Variants in BHMT2 observed in about 807,000 individuals in gnomAD.
BHMT2 encodes the protein betaine--homocysteine S-methyltransferase 2.
BHMT2 carries 28 observed loss-of-function variants against 39.0 expected under a neutral mutation model. That is an observed-to-expected ratio of 0.72 (90% CI 0.53 to 0.98). BHMT2 has a LOEUF of 0.98. Ranked by LOEUF, BHMT2 falls within the 50% of genes least tolerant of loss-of-function variation. The probability of loss-of-function intolerance (pLI) is 0.00; values close to 1 mark genes in which losing one functional copy is unlikely to be tolerated. For synonymous variants in BHMT2, 145 were observed against 160.6 expected (o/e 0.90, Z 0.74); for missense variants, 410 against 455.6 (o/e 0.90, Z 0.91).
At chr5:79,086,998 ATGTG>A (rs376885057) in intron 7 of BHMT2, among the ~76,000 whole-genome samples, 2,091 of 125,108 alleles carry the variant, frequency 0.017, 49 homozygotes, top group African/African-American at 0.025. Context: ...TTGTGTATGT[ATGTG>A]TGTGTGTGTG....
chr5:79,079,461 GTAA>G lies in BHMT2; in HGVS notation c.258+2_258+4del. The G allele has an allele frequency of 6.2e-7, 1 of 1,609,300 alleles. No homozygotes were observed. On this transcript the variant is annotated splice_donor_variant and splice_donor_region_variant and intron_variant, in intron 3 of 7. Transcript: ENST00000255192. LOFTEE classifies it high-confidence loss of function. ...CAGTGAGGACAATATGGAAAGCAAGGTAAACGGCAATGGCTGGGTGTGGGGGAG... is the reference window on the plus strand; with the variant it reads ...CAGTGAGGACAATATGGAAAGCAAGGACGGCAATGGCTGGGTGTGGGGGAG...
intron 1 of BHMT2, among the ~76,000 whole-genome samples, chr5:79,072,752 G>A (rs752207618): frequency 3.9e-5 from 6 of 152,166 alleles, no homozygotes; most frequent in African/African-American, 1.4e-4. Context: ...CTGTGCTCTG[G>A]TAGCAATGGA....
intron 1 of BHMT2, among the ~76,000 whole-genome samples, 189 bp from the exon 2 acceptor site, chr5:79,077,291 C>A (rs1279303215): frequency 1.3e-5 from 2 of 152,136 alleles, no homozygotes; most frequent in African/African-American, 2.4e-5. Context: ...TTTCATTGTA[C>A]AAAATAGGAA....
rs1755956332 is a variant in BHMT2 at position 79,088,669 on chromosome 5, C to G, written c.*95C>G. The G allele has an allele frequency of 1.1e-6, 1 of 925,598 alleles. No homozygotes were observed. Among genetic ancestry groups the G allele is most frequent in the African/African-American group, 1.7e-5 (1 of 60,510 alleles). The allele number at this position is 925,598 out of a possible 1,614,324, so 57.3% of individuals were successfully genotyped here. A position where few individuals can be genotyped will look rare whatever the true frequency, so the allele number is the denominator to read the frequency against. On this transcript the variant is annotated 3_prime_UTR_variant, in exon 8 of 8. Coordinates refer to ENST00000255192, the MANE Select transcript of BHMT2 (RefSeq NM_017614.5). ...TTCCTCACCTTCATCCTCACCATGCCCTGCTATCTCCAGCTGCTGAGCAGC... is the reference window on the plus strand; with the variant it reads ...TTCCTCACCTTCATCCTCACCATGCGCTGCTATCTCCAGCTGCTGAGCAGC...
In BHMT2 at chr5:79,087,014, G is replaced by GTATATATATATATATATA. The variant is rs369119738; in HGVS notation, c.1011-1468_1011-1451dup. Among the ~76,000 whole-genome samples, 216 of 118,268 alleles carry GTATATATATATATATATA rather than the reference G, an allele frequency of 1.8e-3. 2 individuals carry two copies. Among genetic ancestry groups the GTATATATATATATATATA allele is most frequent in the African/African-American group, 2.3e-3 (72 of 31,452 alleles). 77.6% of individuals were successfully genotyped at this position (118,268 alleles called of 152,430 possible). On this transcript the variant is annotated intron_variant, in intron 7 of 7. Transcript: ENST00000255192. ...TGTGTATGTATGTGTGTGTGTGTGT[G>GTATATATATATATATATA]TATATATATATATATATATATATAT...
Position 79,083,315 on chromosome 5 carries a change from G to T in BHMT2, c.722G>T (p.Gly241Val). The change falls in exon 6 of 8, where the codon GGG becomes GTG. Residue 241 changes from glycine to valine, a missense_variant. Coordinates refer to ENST00000255192, the MANE Select transcript of BHMT2 (RefSeq NM_017614.5). ...LKAHLMVQPL[G>V]FHAPDCGKEG... ...GCGCACCTCATGGTGCAGCCTCTGG[G>T]GTTCCACGCGCCTGACTGTGGCAAA... The T allele has an allele frequency of 1.2e-6, 2 of 1,612,474 alleles. No homozygotes were observed. Among genetic ancestry groups the T allele is most frequent in the Non-Finnish European group, 1.7e-6 (2 of 1,178,924 alleles).
chr5:79,085,991 T>C (rs1755885648), intron 7 of BHMT2, among the ~76,000 whole-genome samples: 1 of 152,208 alleles, frequency 6.6e-6, no homozygotes, highest in Non-Finnish European at 1.5e-5. Context: ...GCCGGCATCC[T>C]CTGACCCTGG....
chr5:79,084,735 T>A (rs369665136), intron 7 of BHMT2, among the ~76,000 whole-genome samples: 22 of 152,364 alleles, frequency 1.4e-4, no homozygotes, highest in African/African-American at 4.6e-4. Context: ...TGAAATCTTG[T>A]ACCTCTATTT....
chr5:79,088,526 A>C lies in BHMT2; in HGVS notation c.1044A>C (p.Pro348=), dbSNP rs1177010520. 1 of 1,614,170 alleles carries C rather than the reference A, an allele frequency of 6.2e-7. No homozygotes were observed. The highest frequency in any genetic ancestry group is 1.7e-5 in the Admixed American group (1 of 60,022). Residue 348 remains proline (P), a synonymous_variant, in exon 8 of 8, where the codon CCA becomes CCC. Transcript: ENST00000255192. ...GGGAGTATTGGGAGAATCTGCTGCCAGCTTCAGGCAGACCTTTCTGTCCTT... is the reference window on the plus strand; with the variant it reads ...GGGAGTATTGGGAGAATCTGCTGCCCGCTTCAGGCAGACCTTTCTGTCCTT... ...ARREYWENLL[P]ASGRPFCPSL...
intron 4 of BHMT2, among the ~76,000 whole-genome samples, chr5:79,081,117 G>A (rs561341478): frequency 1.3e-5 from 2 of 152,284 alleles, no homozygotes; most frequent in South Asian, 4.1e-4. Flanking sequence ...ATCTTCTAAG[G>A]TCTGGGTGGC....
At chr5:79,088,394 GT>G in intron 7 of BHMT2, 98 bp from the exon 8 acceptor site, 1 of 688,938 alleles carries the variant, frequency 1.5e-6, no homozygotes, top group Non-Finnish European at 2.5e-6. Flanking sequence ...GTGTGTGTGT[GT>G]GTGGTTATAT....
intron 7 of BHMT2, among the ~76,000 whole-genome samples, chr5:79,086,231 G>C (rs1233031268): frequency 6.6e-6 from 1 of 152,144 alleles, no homozygotes; most frequent in African/African-American, 2.4e-5. Context: ...CTCTCATTAG[G>C]CTCAAAACAG....
Position 79,071,954 on chromosome 5 carries a change from T to C in BHMT2, c.33+2139T>C, listed in dbSNP as rs185338220. Among the ~76,000 whole-genome samples, 377 of 152,238 alleles carry C rather than the reference T, an allele frequency of 2.5e-3. 2 individuals are homozygous for C. The highest frequency in any genetic ancestry group is 8.2e-3 in the African/African-American group (342 of 41,536). ...TCAAATCTTGATAACTTAGTTATTT[T>C]GCTAATGGCTATGTAGAAAAATGGC... On this transcript the variant is annotated intron_variant, in intron 1 of 7. Transcript: ENST00000255192.
Position 79,078,998 on chromosome 5 carries a change from A to C in BHMT2, c.167-371A>C, listed in dbSNP as rs115826417. Reference sequence around the variant, plus strand: ...TTCTGCTTTCTATGAGAAGCTCCTCACTTTACTTTAAGGGCTGCCAATGCT... The same window carrying C: ...TTCTGCTTTCTATGAGAAGCTCCTCCCTTTACTTTAAGGGCTGCCAATGCT... On this transcript the variant is annotated intron_variant, in intron 2 of 7. Coordinates refer to ENST00000255192, the MANE Select transcript of BHMT2 (RefSeq NM_017614.5). 2.5e-3 allele frequency among the ~76,000 whole-genome samples: 387 copies of C among 152,302 alleles called. 2 individuals are homozygous for C. Among genetic ancestry groups the C allele is most frequent in the African/African-American group, 8.5e-3 (355 of 41,564 alleles).
At chr5:79,079,712 A>G (rs1273835007) in intron 3 of BHMT2, among the ~76,000 whole-genome samples, 2 of 152,218 alleles carry the variant, frequency 1.3e-5, no homozygotes, top group Non-Finnish European at 2.9e-5. Context: ...CCTGGACAAC[A>G]TGGTGAAACC....
At chr5:79,077,428 G>GAAA (rs11414970) in intron 1 of BHMT2, 52 bp from the exon 2 acceptor site, 110 of 1,360,440 alleles carry the variant, frequency 8.1e-5, no homozygotes, top group South Asian at 5.4e-4. Context: ...ATGCTTTTAG[G>GAAA]AAAAAAAAAA....
chr5:79,074,809 A>G (rs1399895239), intron 1 of BHMT2, among the ~76,000 whole-genome samples: 1 of 152,232 alleles, frequency 6.6e-6, no homozygotes, highest in African/African-American at 2.4e-5. Context: ...GCAGCAAGGT[A>G]GAGCCATGTG....
At chr5:79,074,694 G>C (rs1755640984) in intron 1 of BHMT2, among the ~76,000 whole-genome samples, 1 of 152,196 alleles carries the variant, frequency 6.6e-6, no homozygotes, top group Admixed American at 6.5e-5. Context: ...CCAGACACTA[G>C]AACAGAAGCA....
At chr5:79,072,591 T>C (rs543130634) in intron 1 of BHMT2, among the ~76,000 whole-genome samples, 10 of 152,326 alleles carry the variant, frequency 6.6e-5, no homozygotes, top group African/African-American at 2.4e-4. Flanking sequence ...CAATAAGATA[T>C]GTCACCTGCC....
Sources: gnomAD v4.1 joint callset for allele counts (sites outside exome capture counted in the v4.1 genomes callset) on GRCh38, gnomAD v4.1.1 for gene constraint, MANE v1.5 for transcripts, NCBI Gene and HGNC (gene_info 2026-07-23, HGNC 2026-07-21) for gene names.